PCDHA9: variants seen among roughly 807,000 people sequenced by gnomAD.
PCDHA9 encodes the protein protocadherin alpha-9.
PCDHA9 carries 62 observed loss-of-function variants against 62.0 expected under a neutral mutation model. That is an observed-to-expected ratio of 1.00 (90% CI 0.81 to 1.23). The LOEUF (loss-of-function observed/expected upper bound fraction) is 1.23, where lower values mean the gene tolerates loss of function less well. PCDHA9 is among the 50% of genes most tolerant of loss of function. The pLI is 0.00. For missense variants in PCDHA9, 1,205 were observed against 1,249.8 expected (o/e 0.96, Z 0.54); for synonymous variants, 557 against 567.6 (o/e 0.98, Z 0.27).
chr5:140,879,204 G>A (rs1041591784), intron 1 of PCDHA9, among the ~76,000 whole-genome samples: 3 of 152,328 alleles, frequency 2.0e-5, no homozygotes, highest in Admixed American at 6.5e-5. Flanking sequence ...AATTATGGCA[G>A]TAGAAATGAA....
chr5:141,005,000 G>A (rs2098192261), intron 3 of PCDHA9, among the ~76,000 whole-genome samples: 1 of 152,176 alleles, frequency 6.6e-6, no homozygotes, highest in Non-Finnish European at 1.5e-5. Context: ...GGTCTCCTAA[G>A]CCCTGAGAGC....
intron 1 of PCDHA9, among the ~76,000 whole-genome samples, chr5:140,896,577 G>A (rs1273423445): frequency 4.7e-5 from 7 of 149,554 alleles, no homozygotes; most frequent in African/African-American, 1.7e-4. Context: ...GGGTTTTGAC[G>A]TGTTGGCCAG....
chr5:140,877,317 G>C (rs535177109), intron 1 of PCDHA9: 5 of 1,614,004 alleles, frequency 3.1e-6, no homozygotes, highest in Admixed American at 1.7e-5. Context: ...AACCGGCGGC[G>C]GTCGGCGCGC....
At chr5:140,924,903 AAAT>A (rs782701584) in intron 1 of PCDHA9, among the ~76,000 whole-genome samples, 3,132 of 54,516 alleles carry the variant, frequency 0.057, 46 homozygotes, top group African/African-American at 0.096. Context: ...TCAAAAAAAA[AAAT>A]AAAATAAAAT....
chr5:140,992,017 CTGTGTGTGTGTGTGTG>C (rs10602499), intron 3 of PCDHA9, among the ~76,000 whole-genome samples: 31 of 145,626 alleles, frequency 2.1e-4, no homozygotes, highest in East Asian at 1.4e-3. Flanking sequence ...AGAGGTGGCT[CTGTGTGTGTGTGTGTG>C]TGTGTGTGTG....
At chr5:140,973,862 A>G (rs1438238778) in intron 1 of PCDHA9, among the ~76,000 whole-genome samples, 2 of 152,196 alleles carry the variant, frequency 1.3e-5, no homozygotes, top group Non-Finnish European at 2.9e-5. Flanking sequence ...TTTGCTCTCA[A>G]TGAGAGGTCA....
intron 3 of PCDHA9, among the ~76,000 whole-genome samples, chr5:140,998,370 G>A (rs1321470929): frequency 2.6e-5 from 4 of 152,106 alleles, no homozygotes; most frequent in Admixed American, 1.3e-4. Flanking sequence ...TGCACACACC[G>A]TCTCTAGAAA....
chr5:140,853,458 T>C (rs17119248), intron 1 of PCDHA9: 56,285 of 974,400 alleles, frequency 0.058, 6,090 homozygotes, highest in Middle Eastern at 0.078. Context: ...GGTCTCCTTA[T>C]ATGCATCTGT....
At chr5:140,942,221 G>A (rs1238547021) in intron 1 of PCDHA9, among the ~76,000 whole-genome samples, 1 of 152,046 alleles carries the variant, frequency 6.6e-6, no homozygotes, top group African/African-American at 2.4e-5. Context: ...TATTTAAAAT[G>A]TGTAGGCAAA....
At chr5:140,978,782 A>C (rs782295456) in intron 1 of PCDHA9, 167 bp from the exon 2 acceptor site, 1 of 971,546 alleles carries the variant, frequency 1.0e-6, no homozygotes, top group African/African-American at 1.8e-5. Flanking sequence ...TTTTCTTCTA[A>C]AGTGCTATAT....
chr5:140,927,159 C>T (rs782468229), intron 1 of PCDHA9: 2 of 1,614,164 alleles, frequency 1.2e-6, no homozygotes, highest in South Asian at 2.2e-5. Context: ...TGTGCAGGGC[C>T]AAAGCTGCCT....
intron 1 of PCDHA9, among the ~76,000 whole-genome samples, chr5:140,894,005 G>A (rs1365314012): frequency 6.6e-6 from 1 of 152,072 alleles, no homozygotes; most frequent in Non-Finnish European, 1.5e-5. Context: ...TGTATGGTTG[G>A]TTCAAATTAC....
intron 1 of PCDHA9, chr5:140,877,927 A>G: frequency 7.1e-7 from 1 of 1,416,192 alleles, no homozygotes; most frequent in South Asian, 1.6e-5. Flanking sequence ...TTTCTTTATG[A>G]TTCTATCCTT....
intron 3 of PCDHA9, among the ~76,000 whole-genome samples, chr5:140,989,918 G>A (rs1554251173): frequency 6.6e-6 from 1 of 151,960 alleles, no homozygotes; most frequent in East Asian, 1.9e-4. Flanking sequence ...AAGAGGGAGA[G>A]CAGAGATAGA....
intron 1 of PCDHA9, chr5:140,877,514 G>C: frequency 6.2e-7 from 1 of 1,613,764 alleles, no homozygotes; most frequent in South Asian, 1.1e-5. Context: ...ACGTCGTCGC[G>C]GGCCTCAGTG....
chr5:140,894,987 T>A lies in PCDHA9; in HGVS notation c.2394+44098T>A, dbSNP rs564159529. On this transcript the variant is annotated intron_variant, in intron 1 of 3. Transcript: ENST00000532602. ...TTTTTTAATGTCTTACTTTGTGACA[T>A]CCTTTACCCTTTTTACTTGGACCTT... 3.3e-5 allele frequency among the ~76,000 whole-genome samples: 5 copies of A among 152,318 alleles called. No individual in the cohort carries two copies. In the East Asian group the frequency reaches 9.6e-4, roughly 29 times the overall value.
chr5:141,006,177 AAG>A (rs2098258661), intron 3 of PCDHA9, among the ~76,000 whole-genome samples: 2 of 151,826 alleles, frequency 1.3e-5, no homozygotes, highest in African/African-American at 4.8e-5. Context: ...ATATTTTTAA[AAG>A]AGTTTGCTAT....
At chr5:140,876,991 T>C in intron 1 of PCDHA9, 1 of 1,612,564 alleles carries the variant, frequency 6.2e-7, no homozygotes, top group Non-Finnish European at 8.5e-7. Flanking sequence ...ACTGTCGAGC[T>C]ACGTGTCGGT....
chr5:140,953,871 A>G (rs2094944952), intron 1 of PCDHA9, among the ~76,000 whole-genome samples: 1 of 152,146 alleles, frequency 6.6e-6, no homozygotes, highest in African/African-American at 2.4e-5. Context: ...TTTGCTGCAC[A>G]GATCAACCCA....
Sources: gnomAD v4.1 joint callset for allele counts (sites outside exome capture counted in the v4.1 genomes callset) on GRCh38, gnomAD v4.1.1 for gene constraint, MANE v1.5 for transcripts, NCBI Gene and HGNC (gene_info 2026-07-23, HGNC 2026-07-21) for gene names.